Variants in BIRC6 observed in about 807,000 individuals in gnomAD.
The protein encoded by BIRC6 is baculoviral IAP repeat containing 6.
In BIRC6, 98 loss-of-function variants were observed where a neutral mutation model predicts 503.3. The observed-to-expected ratio is 0.19, with a 90% CI of 0.17 to 0.23. The LOEUF is 0.23. Among genes scored for constraint, BIRC6 ranks in the 10% least tolerant of loss-of-function variants. The probability of loss-of-function intolerance (pLI) is 1.00; values close to 1 mark genes in which losing one functional copy is unlikely to be tolerated. For missense variants in BIRC6, 5,360 were observed against 5,806.0 expected, an observed-to-expected ratio of 0.92 and a Z score of 2.50; for synonymous variants, 2,240 against 2,078.7, an observed-to-expected ratio of 1.08 and a Z score of -2.11.
At position 32,480,621 on chromosome 2, in the gene BIRC6, C is replaced by CTTTTTTTTTTTTTTTTTTTTT. The variant is rs560251664; in HGVS notation, c.7409-682_7409-662dup. Among the ~76,000 whole-genome samples, 9 of 60,740 alleles carry CTTTTTTTTTTTTTTTTTTTTT rather than the reference C, an allele frequency of 1.5e-4. 3 individuals are homozygous for CTTTTTTTTTTTTTTTTTTTTT. Among genetic ancestry groups the CTTTTTTTTTTTTTTTTTTTTT allele is most frequent in the East Asian group, 2.5e-3 (2 of 816 alleles). 39.8% of individuals were successfully genotyped at this position (60,740 alleles called of 152,430 possible). On this transcript the variant is annotated intron_variant, in intron 37 of 73. Transcript: ENST00000421745. ...CATAACAGAAAAATAAGGTAAATGG[C>CTTTTTTTTTTTTTTTTTTTTT]TTTTTTTTTTTTTTTTTTTTTTTTT... is the stretch of plus-strand genomic sequence containing the variant.
At chr2:32,403,591 C>T (rs995879454) in intron 8 of BIRC6, among the ~76,000 whole-genome samples, 3 of 151,986 alleles carry the variant, frequency 2.0e-5, no homozygotes, top group Non-Finnish European at 4.4e-5. Flanking sequence ...GTAAAAATTC[C>T]TTGAATGTAA....
At chr2:32,366,487 T>A (rs947475085) in intron 1 of BIRC6, among the ~76,000 whole-genome samples, 11 of 152,184 alleles carry the variant, frequency 7.2e-5, no homozygotes, top group African/African-American at 2.7e-4. Flanking sequence ...AATCTCTAGT[T>A]GTAACTATAC....
intron 61 of BIRC6, among the ~76,000 whole-genome samples, chr2:32,541,013 TTGAA>T (rs2057622845): frequency 6.6e-6 from 1 of 152,070 alleles, no homozygotes; most frequent in Admixed American, 6.6e-5. Context: ...GTTAAAGAAT[TTGAA>T]TGCTATAAAT....
chr2:32,555,865 G>A (rs891288614), intron 65 of BIRC6, among the ~76,000 whole-genome samples: 2 of 143,272 alleles, frequency 1.4e-5, no homozygotes, highest in African/African-American at 2.6e-5. Context: ...GCAGTGAGCC[G>A]TGATCATACC....
intron 65 of BIRC6, among the ~76,000 whole-genome samples, chr2:32,570,252 A>G (rs1223915709): frequency 6.6e-6 from 1 of 152,214 alleles, no homozygotes; most frequent in Non-Finnish European, 1.5e-5. Context: ...TCCCTGGGAT[A>G]AATCATACTT....
rs140658567 is a variant in BIRC6 at position 32,538,350 on chromosome 2, T to A, written c.12292-4891T>A. ...AGCTGTGCAGAGATTTCAGCTGCTG[T>A]CTGTCACCGAGAGGATACAATTTAC... On this transcript the variant is annotated intron_variant, in intron 61 of 73. Coordinates refer to ENST00000421745, the MANE Select transcript of BIRC6 (RefSeq NM_016252.4). Among the ~76,000 whole-genome samples the A allele has an allele frequency of 1.7e-3, 258 of 152,260 alleles. 1 individual carries two copies. Among genetic ancestry groups the A allele is most frequent in the African/African-American group, 5.8e-3 (240 of 41,554 alleles).
At chr2:32,537,020 G>A (rs2057293919) in intron 61 of BIRC6, among the ~76,000 whole-genome samples, 1 of 152,126 alleles carries the variant, frequency 6.6e-6, no homozygotes, top group Non-Finnish European at 1.5e-5. Flanking sequence ...TCTCTTTGAA[G>A]CAATTGTGAA....
chr2:32,602,916 A>G (rs1357319260), intron 70 of BIRC6, 90 bp from the exon 71 acceptor site: 1 of 1,035,426 alleles, frequency 9.7e-7, no homozygotes, highest in African/African-American at 1.6e-5. Context: ...ATATTTTGAC[A>G]GGATAGCATT....
chr2:32,531,016 C>T (rs1180958489), intron 60 of BIRC6, among the ~76,000 whole-genome samples: 1 of 152,146 alleles, frequency 6.6e-6, no homozygotes, highest in African/African-American at 2.4e-5. Flanking sequence ...TTAAAGTATG[C>T]CCTAAAGGAC....
rs1326536451 is a variant in BIRC6 at position 32,590,935 on chromosome 2, G to GA, written c.13356-2978dup. 4 of 985,744 alleles carry GA rather than the reference G, an allele frequency of 4.1e-6. No homozygotes were observed. In the Admixed American group the frequency reaches 2.5e-4, roughly 61 times the overall value. 61.1% of individuals were successfully genotyped at this position (985,744 alleles called of 1,614,324 possible). ...AGACCTACTTCCAGCTAGGTGCCTT[G>GA]AACTCAAATAGCTTTTCACACAGAC... On this transcript the variant is annotated intron_variant, in intron 66 of 73. Coordinates refer to ENST00000421745, the MANE Select transcript of BIRC6 (RefSeq NM_016252.4).
At chr2:32,382,809 C>T (rs576329825) in intron 3 of BIRC6, among the ~76,000 whole-genome samples, 46 of 152,120 alleles carry the variant, frequency 3.0e-4, no homozygotes, top group South Asian at 8.3e-4. Context: ...CTGCAACGTC[C>T]GTCTCCTGGG....
At chr2:32,558,108 C>G (rs555277527) in intron 65 of BIRC6, among the ~76,000 whole-genome samples, 1 of 152,192 alleles carries the variant, frequency 6.6e-6, no homozygotes, top group Admixed American at 6.5e-5. Context: ...CTACTTTAGT[C>G]TGTTAACGTG....
Position 32,467,612 on chromosome 2 carries a change from T to C in BIRC6, c.5444T>C (p.Leu1815Ser). The C allele has an allele frequency of 6.2e-7, 1 of 1,613,970 alleles. No individual in the cohort carries two copies. Among genetic ancestry groups the C allele is most frequent in the Non-Finnish European group, 8.5e-7 (1 of 1,179,880 alleles). ...LIPTCGDLAS[L>S]SIDIWTLGEE... ...CCCACTTGTGGAGACTTGGCCTCTT[T>C]GTCAATTGACATTTGGACATTAGGA... Residue 1815 changes from leucine (L) to serine (S), a missense_variant, in exon 27 of 74, where the codon TTG becomes TCG. This residue lies in a region of BIRC6 where 2,299 missense variants were observed against 2,267.2 expected (regional missense o/e 1.01). Coordinates refer to ENST00000421745, the MANE Select transcript of BIRC6 (RefSeq NM_016252.4).
Position 32,431,019 on chromosome 2 carries a change from T to G in BIRC6, c.3177T>G (p.Pro1059=). The G allele has an allele frequency of 6.2e-7, 1 of 1,613,446 alleles. No individual in the cohort carries two copies. Among genetic ancestry groups the G allele is most frequent in the African/African-American group, 1.3e-5 (1 of 74,906 alleles). Residue 1059 remains proline (P), a synonymous_variant, in exon 12 of 74, where the codon CCT becomes CCG. Transcript: ENST00000421745. ...VQQEQQQRRH[P]QHLHQQHHGD... ...AAGAACAGCAGCAAAGGAGGCATCCTCAACATTTGCATCAGCAACACCATG... is the reference window on the plus strand; with the variant it reads ...AAGAACAGCAGCAAAGGAGGCATCCGCAACATTTGCATCAGCAACACCATG...
chr2:32,591,079 G>C, intron 66 of BIRC6: 1 of 669,494 alleles, frequency 1.5e-6, no homozygotes, highest in Non-Finnish European at 1.8e-6. Flanking sequence ...GTCAGACAAT[G>C]ACTAGTTAGA....
intron 10 of BIRC6, among the ~76,000 whole-genome samples, chr2:32,421,112 CT>C (rs779700746): frequency 0.011 from 1,411 of 132,214 alleles, 4 homozygotes; most frequent in Middle Eastern, 0.023. Flanking sequence ...TTCTTTCTTT[CT>C]TTTTTTTTTT....
At chr2:32,521,994 C>A (rs1458798894) in intron 57 of BIRC6, 1 of 151,998 alleles carries the variant, frequency 6.6e-6, no homozygotes. Flanking sequence ...ATAATTGCCT[C>A]CCCTTTTTTT....
chr2:32,561,510 G>T (rs2059184160), intron 65 of BIRC6, among the ~76,000 whole-genome samples: 1 of 151,604 alleles, frequency 6.6e-6, no homozygotes, highest in African/African-American at 2.4e-5. Context: ...AAATATCTGG[G>T]ATTACAGGCA....
rs1008601302 is a variant in BIRC6 at position 32,435,699 on chromosome 2, A to G, written c.3499+114A>G. ...GCAAAAACTTGGTTTCAAGAACACA[A>G]TTAAAAAATAACCTATAATTCTGCT... On this transcript the variant is annotated intron_variant, in intron 14 of 73. Transcript: ENST00000421745. 64 of 1,108,862 alleles carry G rather than the reference A, an allele frequency of 5.8e-5. No individual in the cohort carries two copies. In the African/African-American group the frequency reaches 8.0e-4, roughly 14 times the overall value. 68.7% of individuals were successfully genotyped at this position (1,108,862 alleles called of 1,614,324 possible).
Sources: gnomAD v4.1 joint callset for allele counts (sites outside exome capture counted in the v4.1 genomes callset) on GRCh38, gnomAD v4.1.1 for gene constraint, gnomAD v4.1.1 regional missense constraint, MANE v1.5 for transcripts, NCBI Gene and HGNC (gene_info 2026-07-23, HGNC 2026-07-21) for gene names.